Variants in ABL2 observed in about 807,000 individuals in gnomAD.
ABL2 encodes the protein ABL proto-oncogene 2, non-receptor tyrosine kinase.
A neutral mutation model predicts 107.7 loss-of-function variants in ABL2; 49 were observed. That is an observed-to-expected ratio of 0.45 (90% CI 0.36 to 0.58). The LOEUF is 0.58. Ranked by LOEUF, ABL2 falls within the 20% of genes least tolerant of loss-of-function variation. The pLI, the probability that ABL2 is intolerant of heterozygous loss-of-function variation, is 0.00. For synonymous variants in ABL2, 549 were observed against 548.6 expected (o/e 1.00, Z -0.01); for missense variants, 1,245 against 1,457.0 (o/e 0.85, Z 2.37).
chr1:179,176,385 T>C (rs1290948528), intron 1 of ABL2, among the ~76,000 whole-genome samples: 2 of 152,166 alleles, frequency 1.3e-5, no homozygotes, highest in Non-Finnish European at 2.9e-5. Context: ...AGGTGATAGA[T>C]ACCCCATTTT....
intron 5 of ABL2, 53 bp from the exon 6 acceptor site, chr1:179,120,327 C>T (rs775577112): frequency 1.5e-4 from 172 of 1,164,370 alleles, no homozygotes; most frequent in Non-Finnish European, 2.0e-4. Flanking sequence ...AAACCCTCAA[C>T]TTAAAATCAT....
At chr1:179,186,542 C>A (rs1042152293) in intron 1 of ABL2, among the ~76,000 whole-genome samples, 1 of 151,866 alleles carries the variant, frequency 6.6e-6, no homozygotes, top group Non-Finnish European at 1.5e-5. Flanking sequence ...CCATGCCCAG[C>A]TAATTTTTTT....
At chr1:179,174,920 A>AAAAAAAAAAT (rs1659958398) in intron 1 of ABL2, among the ~76,000 whole-genome samples, 2 of 122,876 alleles carry the variant, frequency 1.6e-5, no homozygotes, top group Non-Finnish European at 3.3e-5. Flanking sequence ...AAAATAAAAA[A>AAAAAAAAAAT]AATAATAATA....
At chr1:179,179,651 C>A (rs1660256415) in intron 1 of ABL2, among the ~76,000 whole-genome samples, 1 of 151,998 alleles carries the variant, frequency 6.6e-6, no homozygotes, top group Non-Finnish European at 1.5e-5. Context: ...GCAAGAGTGT[C>A]TACTAGGATA....
intron 1 of ABL2, among the ~76,000 whole-genome samples, chr1:179,208,455 A>T (rs1662098383): frequency 6.6e-6 from 1 of 152,212 alleles, no homozygotes; most frequent in African/African-American, 2.4e-5. Context: ...CTTCAGCTGC[A>T]TCCATGTTGC....
chr1:179,166,141 C>G (rs1217197230), intron 1 of ABL2, among the ~76,000 whole-genome samples: 1 of 152,020 alleles, frequency 6.6e-6, no homozygotes, highest in Non-Finnish European at 1.5e-5. Flanking sequence ...TAGAAAACAA[C>G]TAGAAGAAAA....
intron 8 of ABL2, among the ~76,000 whole-genome samples, chr1:179,116,257 C>T (rs1326170267): frequency 6.6e-6 from 1 of 152,034 alleles, no homozygotes; most frequent in African/African-American, 2.4e-5. Flanking sequence ...GCCTGTAGTC[C>T]CAGCAACTCT....
At chr1:179,186,654 C>G (rs1660700047) in intron 1 of ABL2, among the ~76,000 whole-genome samples, 1 of 151,840 alleles carries the variant, frequency 6.6e-6, no homozygotes, top group Non-Finnish European at 1.5e-5. Flanking sequence ...TTAAACCTGA[C>G]TGGATCCAGC....
chr1:179,201,716 T>TA, intron 1 of ABL2: 7 of 685,436 alleles, frequency 1.0e-5, no homozygotes, highest in Non-Finnish European at 1.8e-5. Context: ...GAGGCATTGA[T>TA]ATGCAGCAAG....
chr1:179,129,035 A>G (rs1656017904), intron 3 of ABL2, among the ~76,000 whole-genome samples: 1 of 152,180 alleles, frequency 6.6e-6, no homozygotes. Context: ...TTTCAATCAA[A>G]AACTAAAGTG....
intron 1 of ABL2, among the ~76,000 whole-genome samples, chr1:179,185,187 A>G (rs1464802175): frequency 2.0e-5 from 3 of 152,228 alleles, no homozygotes; most frequent in African/African-American, 7.2e-5. Context: ...ACTTTAAAAA[A>G]TGGGGTTAGA....
intron 1 of ABL2, among the ~76,000 whole-genome samples, chr1:179,228,746 A>G (rs1031609286): frequency 6.6e-6 from 1 of 152,198 alleles, no homozygotes; most frequent in African/African-American, 2.4e-5. Context: ...CACTGTCCAC[A>G]GTTCACTATC....
chr1:179,120,025 T>C (rs539744012), intron 6 of ABL2, among the ~76,000 whole-genome samples, 165 bp downstream of exon 6: 3 of 151,836 alleles, frequency 2.0e-5, no homozygotes, highest in South Asian at 2.1e-4. Flanking sequence ...AATCCCAACA[T>C]ATTGAAAGGC....
intron 1 of ABL2, among the ~76,000 whole-genome samples, chr1:179,135,505 G>A (rs1016672513): frequency 4.0e-4 from 59 of 148,442 alleles, no homozygotes; most frequent in Admixed American, 6.7e-4. Context: ...CAGCCGCCCC[G>A]TCTGAGAAGT....
At chr1:179,203,781 T>C (rs1460863690) in intron 1 of ABL2, among the ~76,000 whole-genome samples, 3 of 152,176 alleles carry the variant, frequency 2.0e-5, no homozygotes, top group Admixed American at 2.0e-4. Flanking sequence ...CTGTTTTAAA[T>C]ACTGCATTTT....
intron 5 of ABL2, among the ~76,000 whole-genome samples, chr1:179,120,953 T>C (rs898442686): frequency 6.6e-6 from 1 of 152,182 alleles, no homozygotes; most frequent in East Asian, 1.9e-4. Context: ...ATCATAATCT[T>C]CTTAGAGAGC....
intron 1 of ABL2, among the ~76,000 whole-genome samples, chr1:179,180,017 T>G (rs1039100865): frequency 6.8e-6 from 1 of 147,336 alleles, no homozygotes; most frequent in Non-Finnish European, 1.5e-5. Flanking sequence ...GAGGCTGAGG[T>G]GGGAGGATCA....
At chr1:179,210,895 T>C (rs1234064811) in intron 1 of ABL2, among the ~76,000 whole-genome samples, 1 of 151,868 alleles carries the variant, frequency 6.6e-6, no homozygotes, top group Admixed American at 6.6e-5. Flanking sequence ...ATATTTCATA[T>C]ACTGCCAGGA....
At chr1:179,135,775 T>C (rs1463596571) in intron 1 of ABL2, among the ~76,000 whole-genome samples, 2 of 100,520 alleles carry the variant, frequency 2.0e-5, no homozygotes, top group East Asian at 6.9e-4. Flanking sequence ...GGGAGGGAGG[T>C]GGGGGGGTCA....
Sources: gnomAD v4.1 joint callset for allele counts (sites outside exome capture counted in the v4.1 genomes callset) on GRCh38, gnomAD v4.1.1 for gene constraint, MANE v1.5 for transcripts, NCBI Gene and HGNC (gene_info 2026-07-23, HGNC 2026-07-21) for gene names.